The following FRAS1 variants were observed in gnomAD, a reference collection of about 807,000 sequenced individuals.
FRAS1 encodes Fraser extracellular matrix complex subunit 1, also known as extracellular matrix organizing protein FRAS1.
A neutral mutation model predicts 435.2 loss-of-function variants in FRAS1; 290 were observed. The ratio of observed to expected loss-of-function variants is 0.67; its 90% CI spans 0.61 to 0.73. FRAS1 has a LOEUF of 0.73. Among genes scored for constraint, FRAS1 ranks in the 30% least tolerant of loss-of-function variants. The pLI, the probability that FRAS1 is intolerant of heterozygous loss-of-function variation, is 0.00. For missense variants in FRAS1, 4,860 were observed against 5,001.5 expected (o/e 0.97, Z 0.85); for synonymous variants, 1,800 against 1,851.0 (o/e 0.97, Z 0.71).
intron 2 of FRAS1, among the ~76,000 whole-genome samples, chr4:78,120,158 T>G (rs1295634429): frequency 6.6e-6 from 1 of 152,208 alleles, no homozygotes. Context: ...AAATGCACAC[T>G]GATTTCTTCT....
At chr4:78,223,640 G>A (rs1364263665) in intron 2 of FRAS1, among the ~76,000 whole-genome samples, 3 of 152,070 alleles carry the variant, frequency 2.0e-5, no homozygotes, top group Non-Finnish European at 2.9e-5. Flanking sequence ...TTAACCCTGA[G>A]CCTGCACAGA....
intron 2 of FRAS1, among the ~76,000 whole-genome samples, chr4:78,077,832 T>C (rs1458926212): frequency 6.6e-6 from 1 of 152,096 alleles, no homozygotes; most frequent in Non-Finnish European, 1.5e-5. Flanking sequence ...AAGAACTTTC[T>C]TTTTTGTTTT....
chr4:78,265,305 T>C (rs1447882592), intron 7 of FRAS1, among the ~76,000 whole-genome samples, 197 bp downstream of exon 7: 2 of 152,166 alleles, frequency 1.3e-5, no homozygotes, highest in African/African-American at 4.8e-5. Context: ...ATTAGAAATA[T>C]AAAGGAATGT....
At chr4:78,422,471 A>G (rs1560718563) in intron 34 of FRAS1, among the ~76,000 whole-genome samples, 1 of 152,228 alleles carries the variant, frequency 6.6e-6, no homozygotes, top group Non-Finnish European at 1.5e-5. Context: ...AGATACTGGC[A>G]GTGGAGGGAT....
intron 6 of FRAS1, among the ~76,000 whole-genome samples, chr4:78,256,430 G>A (rs1725798849): frequency 6.6e-6 from 1 of 152,158 alleles, no homozygotes; most frequent in African/African-American, 2.4e-5. Context: ...TTCTGATTAA[G>A]CCCATTTTGG....
At chr4:78,237,459 C>A in intron 2 of FRAS1, 51 bp from the exon 3 acceptor site, 2 of 1,303,992 alleles carry the variant, frequency 1.5e-6, no homozygotes, top group Non-Finnish European at 2.2e-6. Flanking sequence ...CTTTTGTGTG[C>A]TCATACCTTG....
intron 3 of FRAS1, among the ~76,000 whole-genome samples, chr4:78,239,067 C>A (rs1473954072): frequency 2.0e-5 from 3 of 152,196 alleles, no homozygotes; most frequent in Non-Finnish European, 4.4e-5. Flanking sequence ...TTGGCTGCAA[C>A]AATAGCATTG....
chr4:78,438,491 A>G, intron 38 of FRAS1, 79 bp from the exon 39 acceptor site: 1 of 1,368,084 alleles, frequency 7.3e-7, no homozygotes. Flanking sequence ...AGAGAGAAGC[A>G]CCCATAGATC....
chr4:78,346,764 T>A (rs28623348), intron 20 of FRAS1, among the ~76,000 whole-genome samples: 15,664 of 152,112 alleles, frequency 0.1, 903 homozygotes, highest in African/African-American at 0.15. Flanking sequence ...TCTTTTTCCT[T>A]CCTTTGAGAA....
rs1727488291 is a variant in FRAS1 at position 78,284,525 on chromosome 4, A to G, written c.1376A>G (p.Tyr459Cys). The part of the protein sequence containing the change: ...WCVHSCGLGF[Y>C]QAGSLCLACQ... ...GTGCACAGCTGTGGACTGGGTTTTT[A>G]CCAAGCTGGCAGTCTCTGTTTAGGT... The change falls in exon 13 of 74, where the codon TAC becomes TGC. Residue 459 changes from tyrosine to cysteine, a missense_variant. Coordinates refer to ENST00000512123, the MANE Select transcript of FRAS1 (RefSeq NM_025074.7). The G allele has an allele frequency of 6.2e-7, 1 of 1,611,324 alleles. No homozygotes were observed. Among genetic ancestry groups the G allele is most frequent in the South Asian group, 1.1e-5 (1 of 90,426 alleles).
chr4:78,068,846 G>A (rs761483294), intron 2 of FRAS1, among the ~76,000 whole-genome samples: 8 of 152,206 alleles, frequency 5.3e-5, no homozygotes, highest in African/African-American at 4.8e-5. Context: ...ACTGGAAATG[G>A]TAGATGATGC....
intron 70 of FRAS1, among the ~76,000 whole-genome samples, chr4:78,532,128 T>C (rs760216916): frequency 6.6e-6 from 1 of 152,190 alleles, no homozygotes; most frequent in Admixed American, 6.5e-5. Flanking sequence ...GTCCTGACAG[T>C]ACAGGTAAGG....
intron 2 of FRAS1, among the ~76,000 whole-genome samples, chr4:78,234,680 T>C (rs1724670157): frequency 6.6e-6 from 1 of 152,244 alleles, no homozygotes; most frequent in South Asian, 2.1e-4. Flanking sequence ...TGATTCAGTA[T>C]TTTTGTAAAT....
Position 78,273,503 on chromosome 4 carries a change from A to T in FRAS1, c.982-5152A>T, listed in dbSNP as rs546092081. Among the ~76,000 whole-genome samples the T allele has an allele frequency of 6.6e-4, 100 of 152,304 alleles. 1 individual carries two copies. Among genetic ancestry groups the T allele is most frequent in the African/African-American group, 2.2e-3 (92 of 41,568 alleles). ...GATACATACCATCAATACCTAATTT[A>T]TTGAGAATTTTTAGCATGAAGGGCT... On this transcript the variant is annotated intron_variant, in intron 9 of 73. Coordinates refer to ENST00000512123, the MANE Select transcript of FRAS1 (RefSeq NM_025074.7).
intron 30 of FRAS1, among the ~76,000 whole-genome samples, chr4:78,407,307 T>C (rs1733138362): frequency 6.6e-6 from 1 of 152,342 alleles, no homozygotes; most frequent in African/African-American, 2.4e-5. Flanking sequence ...TAGAAAGTTG[T>C]GCATAGAAAT....
At chr4:78,223,727 T>C (rs1724149807) in intron 2 of FRAS1, among the ~76,000 whole-genome samples, 1 of 152,190 alleles carries the variant, frequency 6.6e-6, no homozygotes, top group African/African-American at 2.4e-5. Flanking sequence ...AGATAACTAT[T>C]TCCAGGGCTG....
intron 2 of FRAS1, among the ~76,000 whole-genome samples, chr4:78,128,881 G>T (rs2109978799): frequency 6.6e-6 from 1 of 152,220 alleles, no homozygotes; most frequent in Admixed American, 6.5e-5. Context: ...GGTTTTTATG[G>T]TTTTAGGTCT....
At chr4:78,488,246 C>A (rs1450681074) in intron 58 of FRAS1, among the ~76,000 whole-genome samples, 1 of 152,228 alleles carries the variant, frequency 6.6e-6, no homozygotes, top group African/African-American at 2.4e-5. Flanking sequence ...TACAAAATTT[C>A]TTTTCACTAT....
At chr4:78,125,063 T>A (rs1311358351) in intron 2 of FRAS1, among the ~76,000 whole-genome samples, 1 of 152,208 alleles carries the variant, frequency 6.6e-6, no homozygotes, top group Non-Finnish European at 1.5e-5. Flanking sequence ...CTTCTCTAGT[T>A]GTTTTAATTG....
Sources: gnomAD v4.1 joint callset for allele counts (sites outside exome capture counted in the v4.1 genomes callset) on GRCh38, gnomAD v4.1.1 for gene constraint, MANE v1.5 for transcripts, NCBI Gene and HGNC (gene_info 2026-07-23, HGNC 2026-07-21) for gene names.